RIC8B: variants seen among roughly 807,000 people sequenced by gnomAD.
RIC8B encodes chaperone Ric-8B.
Under a neutral mutation model 57.5 loss-of-function variants are expected in RIC8B, and 16 were observed. The ratio of observed to expected loss-of-function variants is 0.28; its 90% confidence interval spans 0.19 to 0.42. The LOEUF (loss-of-function observed/expected upper bound fraction) is 0.42. Ranked by LOEUF, RIC8B falls within the 10% of genes least tolerant of loss-of-function variation. RIC8B has a pLI of 1.00. For synonymous variants in RIC8B, 216 were observed against 250.8 expected (o/e 0.86, Z 1.31); for missense variants, 481 against 677.0 (o/e 0.71, Z 3.21).
At chr12:106,798,421 A>C (rs2044583917) in intron 2 of RIC8B, among the ~76,000 whole-genome samples, 1 of 152,124 alleles carries the variant, frequency 6.6e-6, no homozygotes, top group Non-Finnish European at 1.5e-5. Context: ...TGGAACTCAA[A>C]CCAATTCCTC....
intron 3 of RIC8B, among the ~76,000 whole-genome samples, chr12:106,823,825 A>G (rs2045967679): frequency 6.6e-6 from 1 of 151,950 alleles, no homozygotes; most frequent in African/African-American, 2.4e-5. Context: ...GCTGGGATTA[A>G]CAGGCTTGCA....
intron 6 of RIC8B, among the ~76,000 whole-genome samples, chr12:106,846,082 T>C (rs1318455631): frequency 6.6e-6 from 1 of 152,196 alleles, no homozygotes; most frequent in South Asian, 2.1e-4. Context: ...TCAAGAGTCA[T>C]GGTTTTGAAA....
chr12:106,809,522 CAAAAAA>C (rs201411394), intron 2 of RIC8B, among the ~76,000 whole-genome samples: 12 of 105,548 alleles, frequency 1.1e-4, no homozygotes, highest in African/African-American at 4.2e-4. Flanking sequence ...ACTCTTGTCT[CAAAAAA>C]AAAAAAAAAA....
chr12:106,824,168 TG>T (rs1474074333), intron 3 of RIC8B, among the ~76,000 whole-genome samples: 2 of 152,234 alleles, frequency 1.3e-5, no homozygotes, highest in East Asian at 3.8e-4. Flanking sequence ...TCCCTTCCTC[TG>T]TTACCCTTCC....
At chr12:106,843,526 T>C (rs1421493292) in intron 5 of RIC8B, among the ~76,000 whole-genome samples, 1 of 151,290 alleles carries the variant, frequency 6.6e-6, no homozygotes, top group East Asian at 2.0e-4. Flanking sequence ...ATCGAGACCA[T>C]CCTGGCTAAC....
At chr12:106,842,845 G>A (rs1949018706) in intron 5 of RIC8B, 28 bp downstream of exon 5, 1 of 1,388,790 alleles carries the variant, frequency 7.2e-7, no homozygotes, top group South Asian at 1.2e-5. Context: ...GAAGCCCTGG[G>A]AAGATGCTTC....
chr12:106,843,847 TA>T lies in RIC8B; in HGVS notation c.1066-4del. 1.3e-6 allele frequency: 2 copies of T among 1,590,758 alleles called. No individual in the cohort carries two copies. The highest frequency in any genetic ancestry group is 1.8e-5 in the Admixed American group (1 of 56,860). On this transcript the variant is annotated splice_region_variant and splice_polypyrimidine_tract_variant and intron_variant, in intron 5 of 9. Transcript: ENST00000392837. The stretch of plus-strand genomic sequence containing the variant: ...TTCAAAAACATATGGTTTTTTTTTT[TA>T]TAGGGAAGCAGCTATAGAGAGGGTC...
intron 9 of RIC8B, among the ~76,000 whole-genome samples, chr12:106,875,353 C>T (rs1055487887): frequency 6.6e-6 from 1 of 151,966 alleles, no homozygotes; most frequent in East Asian, 1.9e-4. Context: ...TCCCTGACTT[C>T]GGAAAAAATA....
rs970371623 is a variant in RIC8B, at chr12:106,886,302, G to C, written c.*287G>C. On this transcript the variant is annotated 3_prime_UTR_variant, in exon 10 of 10. Transcript: ENST00000392837. The stretch of plus-strand genomic sequence containing the variant: ...GGATTTTATTCTATAAAGCGGCCCT[G>C]GTTGAATCTGGCAATTCTTTTTGCC... 3.6e-6 allele frequency: 1 copy of C among 276,490 alleles called. No homozygotes were observed. The highest frequency in any genetic ancestry group is 6.8e-6 in the Non-Finnish European group (1 of 147,970). 17.1% of individuals were successfully genotyped at this position (276,490 alleles called of 1,614,324 possible). A position where few individuals can be genotyped will look rare whatever the true frequency, so the allele number is the denominator to read the frequency against.
At chr12:106,829,019 G>A (rs111575957) in intron 4 of RIC8B, among the ~76,000 whole-genome samples, 2,650 of 152,284 alleles carry the variant, frequency 0.017, 84 homozygotes, top group African/African-American at 0.06. Context: ...AGACAGTGCA[G>A]TTTTTTCAGA....
intron 2 of RIC8B, among the ~76,000 whole-genome samples, chr12:106,784,516 A>C (rs1263471001): frequency 6.6e-6 from 1 of 151,646 alleles, no homozygotes; most frequent in Non-Finnish European, 1.5e-5. Flanking sequence ...GGCACACACC[A>C]GCATGCCCAT....
chr12:106,783,507 C>A (rs978499483), intron 1 of RIC8B, among the ~76,000 whole-genome samples: 1 of 152,236 alleles, frequency 6.6e-6, no homozygotes, highest in African/African-American at 2.4e-5. Context: ...TCAGCAGCAT[C>A]GGAAGGCCCT....
intron 2 of RIC8B, among the ~76,000 whole-genome samples, chr12:106,789,454 A>G (rs2044174124): frequency 6.6e-6 from 1 of 152,184 alleles, no homozygotes; most frequent in Non-Finnish European, 1.5e-5. Flanking sequence ...CACGGCTAAT[A>G]AAGACATACC....
At chr12:106,795,989 A>C (rs1259166252) in intron 2 of RIC8B, among the ~76,000 whole-genome samples, 1 of 152,230 alleles carries the variant, frequency 6.6e-6, no homozygotes, top group African/African-American at 2.4e-5. Context: ...AACATTGTTA[A>C]AGGAAATTAG....
chr12:106,839,756 C>T (rs892870598), intron 4 of RIC8B, among the ~76,000 whole-genome samples: 1 of 152,236 alleles, frequency 6.6e-6, no homozygotes, highest in African/African-American at 2.4e-5. Flanking sequence ...TGGCTCACGC[C>T]TGTAATTCCA....
intron 8 of RIC8B, 26 bp downstream of exon 8, chr12:106,860,438 TA>T: frequency 6.8e-7 from 1 of 1,477,254 alleles, no homozygotes; most frequent in Non-Finnish European, 9.1e-7. Flanking sequence ...TCTTTTCACC[TA>T]ACTATGGCTG....
At position 106,874,498 on chromosome 12, in the gene RIC8B, A is replaced by C. The variant is rs1382714553; in HGVS notation, c.1571+3556A>C. 3 of 1,551,170 alleles carry C rather than the reference A, an allele frequency of 1.9e-6. No individual in the cohort carries two copies. The African/African-American group carries it at 4.1e-5, about 21-fold the overall frequency. ...ATCCATAGGAGAGCAGATGTGAAGG[A>C]CCTGCACCAGGATGGTGGTTAGCAA... On this transcript the variant is annotated intron_variant, in intron 9 of 9. Coordinates refer to ENST00000392837, the MANE Select transcript of RIC8B (RefSeq NM_001330145.2).
At chr12:106,861,675 T>G (rs762143391) in intron 8 of RIC8B, among the ~76,000 whole-genome samples, 1 of 152,162 alleles carries the variant, frequency 6.6e-6, no homozygotes, top group Non-Finnish European at 1.5e-5. Context: ...TCCCGAATTA[T>G]AGAAGTCATC....
At chr12:106,825,616 T>C in intron 3 of RIC8B, 110 bp from the exon 4 acceptor site, 1 of 707,828 alleles carries the variant, frequency 1.4e-6, no homozygotes, top group South Asian at 1.6e-5. Flanking sequence ...ATCTAAAATG[T>C]ATGGTATAAG....
Sources: allele counts gnomAD v4.1 joint callset (sites outside exome capture counted in the v4.1 genomes callset), GRCh38; gene constraint gnomAD v4.1.1; transcripts MANE v1.5; gene names NCBI Gene and HGNC (gene_info 2026-07-23, HGNC 2026-07-21).